The following FAM135A variants were observed in gnomAD, a reference collection of about 807,000 sequenced individuals.
The protein encoded by FAM135A is family with sequence similarity 135 member A.
In FAM135A, 79 loss-of-function variants were observed where a neutral mutation model predicts 146.8. The observed-to-expected ratio is 0.54, with a 90% CI of 0.45 to 0.65. The LOEUF is 0.65. Among genes scored for constraint, FAM135A ranks in the 30% least tolerant of loss-of-function variants. The probability of loss-of-function intolerance (pLI) is 0.00; values close to 1 mark genes in which losing one functional copy is unlikely to be tolerated. For missense variants in FAM135A, 1,623 were observed against 1,758.2 expected, an observed-to-expected ratio of 0.92 and a Z score of 1.38; for synonymous variants, 562 against 603.6, an observed-to-expected ratio of 0.93 and a Z score of 1.01.
At chr6:70,506,568 TACATTATAAAGCTAAGAGGAGA>T (rs1789810524) in intron 12 of FAM135A, among the ~76,000 whole-genome samples, 1 of 152,096 alleles carries the variant, frequency 6.6e-6, no homozygotes, top group African/African-American at 2.4e-5. Flanking sequence ...TGCCAACGCC[TACATTATAAAGCTAAGAGGAGA>T]GTTGATACCT....
chr6:70,486,166 GC>G, intron 10 of FAM135A: 2 of 1,613,542 alleles, frequency 1.2e-6, no homozygotes, highest in Non-Finnish European at 1.7e-6. Context: ...CTTATGACTA[GC>G]CAAGGCCAAC....
At chr6:70,501,115 G>T (rs1788391776) in intron 11 of FAM135A, among the ~76,000 whole-genome samples, 1 of 152,192 alleles carries the variant, frequency 6.6e-6, no homozygotes, top group South Asian at 2.1e-4. Context: ...CCTTCCCCGA[G>T]GGGCTCTGTC....
At chr6:70,509,354 A>T (rs2639297) in intron 12 of FAM135A, among the ~76,000 whole-genome samples, 55,167 of 152,050 alleles carry the variant, frequency 0.36, 16,083 homozygotes, top group African/African-American at 0.81. Flanking sequence ...TTTGACTAAC[A>T]TCTCTCTCAC....
intron 12 of FAM135A, among the ~76,000 whole-genome samples, chr6:70,517,406 G>A (rs1030048179): frequency 3.4e-5 from 5 of 146,790 alleles, no homozygotes; most frequent in African/African-American, 1.3e-4. Flanking sequence ...TGGTGTGCAC[G>A]TCTTTTTCCT....
At chr6:70,489,836 G>C (rs539675523) in intron 10 of FAM135A, among the ~76,000 whole-genome samples, 2 of 152,188 alleles carry the variant, frequency 1.3e-5, no homozygotes, top group East Asian at 3.9e-4. Flanking sequence ...ATGAGCAAAA[G>C]ACCACTCTAG....
intron 2 of FAM135A, among the ~76,000 whole-genome samples, chr6:70,425,851 C>G (rs1739339): frequency 6.6e-6 from 1 of 152,120 alleles, no homozygotes; most frequent in Non-Finnish European, 1.5e-5. Flanking sequence ...CGCCTGTAAT[C>G]CCAGCACTTT....
At chr6:70,533,600 C>A (rs139181120) in intron 17 of FAM135A, among the ~76,000 whole-genome samples, 157 bp from the exon 18 acceptor site, 1 of 151,994 alleles carries the variant, frequency 6.6e-6, no homozygotes, top group Non-Finnish European at 1.5e-5. Flanking sequence ...TCTCTTTGCT[C>A]GTTTTAAGAT....
At chr6:70,552,826 T>C (rs752117698) in intron 20 of FAM135A, among the ~76,000 whole-genome samples, 2 of 152,052 alleles carry the variant, frequency 1.3e-5, no homozygotes, top group Non-Finnish European at 2.9e-5. Flanking sequence ...AACACAGTTA[T>C]ATGTCACCTA....
chr6:70,420,506 C>G (rs999610110), intron 2 of FAM135A, among the ~76,000 whole-genome samples: 1 of 152,130 alleles, frequency 6.6e-6, no homozygotes, highest in Non-Finnish European at 1.5e-5. Context: ...TTGGATGTAA[C>G]TCAGCTGATC....
chr6:70,543,583 A>G (rs866811603), intron 20 of FAM135A, among the ~76,000 whole-genome samples: 1 of 152,246 alleles, frequency 6.6e-6, no homozygotes, highest in South Asian at 2.1e-4. Flanking sequence ...ATCAAATTAC[A>G]AAATATTCCT....
chr6:70,530,372 G>A (rs1795575199), intron 16 of FAM135A, among the ~76,000 whole-genome samples: 1 of 151,988 alleles, frequency 6.6e-6, no homozygotes, highest in African/African-American at 2.4e-5. Context: ...ATAGTTTTTG[G>A]TGAATATTAG....
chr6:70,494,788 C>T (rs1226866597), intron 11 of FAM135A, among the ~76,000 whole-genome samples: 1 of 151,978 alleles, frequency 6.6e-6, no homozygotes, highest in Non-Finnish European at 1.5e-5. Flanking sequence ...TCTAGATAAC[C>T]TTGCTTTCAG....
chr6:70,474,003 C>T (rs531443670), intron 5 of FAM135A, among the ~76,000 whole-genome samples: 10 of 152,266 alleles, frequency 6.6e-5, no homozygotes, highest in African/African-American at 1.9e-4. Context: ...TCAAAGTCAC[C>T]GCTGCACTTA....
chr6:70,437,071 A>G (rs1235103184), intron 4 of FAM135A, among the ~76,000 whole-genome samples: 1 of 152,142 alleles, frequency 6.6e-6, no homozygotes. Flanking sequence ...GTATTTATTA[A>G]CTATATATAT....
At chr6:70,504,831 G>A (rs535936185) in intron 12 of FAM135A, 1 of 152,218 alleles carries the variant, frequency 6.6e-6, no homozygotes, top group African/African-American at 2.4e-5. Flanking sequence ...AAATTATCCA[G>A]GCGTGGTGGC....
intron 5 of FAM135A, among the ~76,000 whole-genome samples, chr6:70,464,961 G>A (rs1362072045): frequency 6.7e-6 from 1 of 149,136 alleles, no homozygotes; most frequent in Admixed American, 6.8e-5. Context: ...TGGGATTATA[G>A]GCATGAGCCA....
chr6:70,450,481 C>A (rs569968787), intron 4 of FAM135A, among the ~76,000 whole-genome samples: 1 of 152,062 alleles, frequency 6.6e-6, no homozygotes, highest in African/African-American at 2.4e-5. Context: ...AGTCTTCTGC[C>A]TGAGGATATC....
chr6:70,526,483 A>T lies in FAM135A; in HGVS notation c.3399A>T (p.Ile1133=), dbSNP rs774784876. 1.9e-6 allele frequency: 3 copies of T among 1,613,626 alleles called. No individual in the cohort carries two copies. In the South Asian group the frequency reaches 3.3e-5, roughly 18 times the overall value. ...MEERLTKSEK[I]NSDYLRDGIN... is the part of the protein sequence containing the mutation. The stretch of plus-strand genomic sequence containing the variant: ...AAAGACTTACAAAATCTGAAAAAAT[A>T]AACAGTGACTATCTGAGAGATGGTA... Residue 1133 remains isoleucine (I), a synonymous_variant, in exon 15 of 22, where the codon ATA becomes ATT. Transcript: ENST00000418814.
intron 19 of FAM135A, among the ~76,000 whole-genome samples, chr6:70,536,817 T>A (rs1221104940): frequency 1.3e-5 from 2 of 152,134 alleles, no homozygotes; most frequent in South Asian, 4.1e-4. Context: ...AGTAAAGAGA[T>A]ATGAGAATAT....
Sources: allele counts gnomAD v4.1 joint callset (sites outside exome capture counted in the v4.1 genomes callset), GRCh38; gene constraint gnomAD v4.1.1; transcripts MANE v1.5; gene names NCBI Gene and HGNC (gene_info 2026-07-23, HGNC 2026-07-21).